Variants in SLC25A48 observed in about 807,000 individuals in gnomAD.
SLC25A48 encodes solute carrier family 25 member 48, also known as CTC-321K16.1.
In SLC25A48, 29 loss-of-function variants were observed where a neutral mutation model predicts 32.2. The observed-to-expected ratio is 0.90, with a 90% CI of 0.67 to 1.23. The LOEUF (loss-of-function observed/expected upper bound fraction) is 1.23, where lower values mean the gene tolerates loss of function less well. SLC25A48 is among the 50% of genes most tolerant of loss of function. SLC25A48 has a pLI of 0.00. For synonymous variants in SLC25A48, 164 were observed against 172.3 expected (o/e 0.95, Z 0.38); for missense variants, 399 against 422.7 (o/e 0.94, Z 0.49).
chr5:135,606,204 C>T (rs1290389159), intron 1 of SLC25A48, among the ~76,000 whole-genome samples: 2 of 152,102 alleles, frequency 1.3e-5, no homozygotes, highest in African/African-American at 4.8e-5. Flanking sequence ...CCTTTTTCTT[C>T]CACATAAAAT....
At chr5:135,835,678 TAAAA>T (rs35114794) in intron 1 of SLC25A48, among the ~76,000 whole-genome samples, 12 of 70,404 alleles carry the variant, frequency 1.7e-4, no homozygotes, top group African/African-American at 5.8e-4. Flanking sequence ...TTGCTAATTG[TAAAA>T]AAAAAAAAAA....
chr5:135,779,812 C>T (rs1478948066), intron 3 of SLC25A48, among the ~76,000 whole-genome samples: 1 of 116,290 alleles, frequency 8.6e-6, no homozygotes, highest in Non-Finnish European at 2.1e-5. Flanking sequence ...ATCTCAATAT[C>T]GCAAGGGGTG....
intron 3 of SLC25A48, among the ~76,000 whole-genome samples, chr5:135,749,316 C>T (rs1426800823): frequency 4.0e-5 from 6 of 151,770 alleles, no homozygotes; most frequent in Admixed American, 3.9e-4. Context: ...ATGAAGTAAA[C>T]CTTCTCTCAA....
intron 3 of SLC25A48, among the ~76,000 whole-genome samples, chr5:135,641,215 G>A (rs984316796): frequency 6.6e-6 from 1 of 152,170 alleles, no homozygotes; most frequent in Admixed American, 6.5e-5. Flanking sequence ...TTGGCAGTTC[G>A]ATTTGAAATA....
intron 3 of SLC25A48, among the ~76,000 whole-genome samples, chr5:135,700,945 G>A (rs1258689404): frequency 6.6e-6 from 1 of 152,194 alleles, no homozygotes; most frequent in Non-Finnish European, 1.5e-5. Flanking sequence ...AGAGGGCCTG[G>A]GACCTGGGGG....
At chr5:135,590,337 C>A (rs1477593516) in intron 1 of SLC25A48, among the ~76,000 whole-genome samples, 5 of 152,076 alleles carry the variant, frequency 3.3e-5, no homozygotes, top group African/African-American at 1.2e-4. Context: ...GTTGGAGAAC[C>A]CTGAAGAGCT....
At chr5:135,624,395 T>C (rs1561763187) in intron 1 of SLC25A48, among the ~76,000 whole-genome samples, 1 of 152,192 alleles carries the variant, frequency 6.6e-6, no homozygotes, top group South Asian at 2.1e-4. Flanking sequence ...GGTTAGTGGA[T>C]GTTAAGAAAA....
chr5:135,755,412 A>G (rs898601037), intron 3 of SLC25A48, among the ~76,000 whole-genome samples: 1 of 151,876 alleles, frequency 6.6e-6, no homozygotes, highest in African/African-American at 2.4e-5. Flanking sequence ...ATGAAATATC[A>G]CTGTGATATT....
chr5:135,653,844 C>T (rs191728240), intron 3 of SLC25A48: 24 of 456,228 alleles, frequency 5.3e-5, no homozygotes, highest in African/African-American at 4.6e-4. Flanking sequence ...GATCCAACCT[C>T]CAGGACTGAG....
upstream of SLC25A48, chr5:135,834,559 T>A: frequency 2.2e-6 from 1 of 452,670 alleles, no homozygotes; most frequent in African/African-American, 2.0e-5. Context: ...TGATGACCCT[T>A]GCCTCTTTGT....
At chr5:135,740,101 A>T (rs1438639082) in intron 3 of SLC25A48, among the ~76,000 whole-genome samples, 1 of 152,186 alleles carries the variant, frequency 6.6e-6, no homozygotes, top group Non-Finnish European at 1.5e-5. Context: ...GGTCAATATA[A>T]ATTTGACCCT....
rs375788498 is a variant in SLC25A48 at position 135,610,064 on chromosome 5, C to T, written c.-848-19173C>T. Among the ~76,000 whole-genome samples the T allele has an allele frequency of 3.3e-5, 5 of 152,240 alleles. No individual in the cohort carries two copies. The East Asian group carries it at 7.7e-4, about 24-fold the overall frequency. ...CAAAAGCAAGACAGGTATATGGGAA[C>T]ATGGGTGTGTGTGGAATTTCCCAGG... On this transcript the variant is annotated intron_variant, in intron 1 of 10. Transcript: ENST00000646290.
intron 3 of SLC25A48, among the ~76,000 whole-genome samples, chr5:135,806,550 T>C (rs1757467910): frequency 6.6e-6 from 1 of 151,336 alleles, no homozygotes; most frequent in Non-Finnish European, 1.5e-5. Context: ...ATTTTATTAA[T>C]ATCGTGTGTT....
At chr5:135,804,904 A>G (rs1474457712) in intron 3 of SLC25A48, among the ~76,000 whole-genome samples, 1 of 151,434 alleles carries the variant, frequency 6.6e-6, no homozygotes, top group Non-Finnish European at 1.5e-5. Context: ...CTGGGATATT[A>G]TCTGTAATAT....
At chr5:135,778,111 AT>A (rs1756615156) in intron 3 of SLC25A48, among the ~76,000 whole-genome samples, 1 of 151,798 alleles carries the variant, frequency 6.6e-6, no homozygotes, top group South Asian at 2.1e-4. Context: ...AGAGGATAAT[AT>A]TACTCCCAAT....
chr5:135,765,842 C>G (rs1411283940), intron 3 of SLC25A48, among the ~76,000 whole-genome samples: 1 of 150,680 alleles, frequency 6.6e-6, no homozygotes, highest in African/African-American at 2.4e-5. Context: ...CATAATATCC[C>G]AGAAAGGAGA....
intron 1 of SLC25A48, among the ~76,000 whole-genome samples, chr5:135,590,538 T>C (rs1751496612): frequency 6.6e-6 from 1 of 152,148 alleles, no homozygotes; most frequent in Non-Finnish European, 1.5e-5. Context: ...GGTTTTTTTT[T>C]CCTTTTTTAA....
At chr5:135,624,007 C>T (rs1032753322) in intron 1 of SLC25A48, among the ~76,000 whole-genome samples, 1 of 152,192 alleles carries the variant, frequency 6.6e-6, no homozygotes, top group African/African-American at 2.4e-5. Context: ...TGCTGCTTCT[C>T]TTGTCAGTAG....
At chr5:135,744,526 C>T (rs557537133) in intron 3 of SLC25A48, among the ~76,000 whole-genome samples, 65 of 140,846 alleles carry the variant, frequency 4.6e-4, no homozygotes, top group African/African-American at 1.6e-3. Flanking sequence ...TTAGTAGAGA[C>T]AGGTTTCACC....
Sources: gnomAD v4.1 joint callset for allele counts (sites outside exome capture counted in the v4.1 genomes callset) on GRCh38, gnomAD v4.1.1 for gene constraint, MANE v1.5 for transcripts, NCBI Gene and HGNC (gene_info 2026-07-23, HGNC 2026-07-21) for gene names.